CDIN1: variants seen among roughly 807,000 people sequenced by gnomAD.
CDIN1 encodes the protein CDAN1-interacting nuclease 1.
A neutral mutation model predicts 45.3 loss-of-function variants in CDIN1; 33 were observed. That is an observed-to-expected ratio of 0.73 (90% CI 0.55 to 0.97). CDIN1 has a LOEUF of 0.97. Among genes scored for constraint, CDIN1 ranks in the 50% least tolerant of loss-of-function variants. The pLI, the probability that CDIN1 is intolerant of heterozygous loss-of-function variation, is 0.00. For missense variants in CDIN1, 303 were observed against 339.4 expected (o/e 0.89, Z 0.84); for synonymous variants, 118 against 124.4 (o/e 0.95, Z 0.34).
At chr15:36,589,425 T>C (rs1428359106) in intron 1 of CDIN1, among the ~76,000 whole-genome samples, 1 of 152,008 alleles carries the variant, frequency 6.6e-6, no homozygotes, top group African/African-American at 2.4e-5. Flanking sequence ...TCAAGTTGCT[T>C]AAACAGTGAG....
At chr15:36,791,463 C>T (rs750893657) in intron 10 of CDIN1, among the ~76,000 whole-genome samples, 17 of 152,090 alleles carry the variant, frequency 1.1e-4, no homozygotes, top group Non-Finnish European at 2.1e-4. Flanking sequence ...GTCTTTTTAC[C>T]ATTTTGTTTC....
chr15:36,659,753 T>G (rs1595435310), intron 5 of CDIN1, among the ~76,000 whole-genome samples: 2 of 151,930 alleles, frequency 1.3e-5, no homozygotes, highest in Middle Eastern at 6.8e-3. Context: ...CAGTCAAAAA[T>G]GCTGTATTAA....
chr15:36,660,277 A>G (rs1315242248), intron 5 of CDIN1, among the ~76,000 whole-genome samples: 1 of 152,100 alleles, frequency 6.6e-6, no homozygotes, highest in African/African-American at 2.4e-5. Context: ...TATGGAGATC[A>G]ATAGAATTCT....
At position 36,621,872 on chromosome 15, in the gene CDIN1, G is replaced by GTTTTTTTTTTT. The variant is rs553981750; in HGVS notation, c.102-22403_102-22393dup. On this transcript the variant is annotated intron_variant, in intron 1 of 10. Transcript: ENST00000566621. Reference sequence around the variant, plus strand: ...GTTGTTTGACCTGACAACAAGTTCAGTTTTTTTTTTTTTCCTCCAAGGGCT... The same window carrying GTTTTTTTTTTT: ...GTTGTTTGACCTGACAACAAGTTCAGTTTTTTTTTTTTTTTTTTTTTTTTCCTCCAAGGGCT... 1.6e-4 allele frequency among the ~76,000 whole-genome samples: 23 copies of GTTTTTTTTTTT among 142,382 alleles called. 1 individual carries two copies. Among genetic ancestry groups the GTTTTTTTTTTT allele is most frequent in the Admixed American group, 4.2e-4 (6 of 14,320 alleles). 93.4% of individuals were successfully genotyped at this position (142,382 alleles called of 152,430 possible).
intron 10 of CDIN1, among the ~76,000 whole-genome samples, chr15:36,776,866 G>A (rs1042410424): frequency 2.0e-5 from 3 of 151,966 alleles, no homozygotes; most frequent in South Asian, 2.1e-4. Context: ...CATTTTGAAC[G>A]TTTTCTAAAA....
At chr15:36,591,545 A>G (rs192561579) in intron 1 of CDIN1, among the ~76,000 whole-genome samples, 257 of 152,328 alleles carry the variant, frequency 1.7e-3, no homozygotes, top group Admixed American at 5.7e-3. Context: ...TCTGAGGACA[A>G]CTAAAATATA....
intron 10 of CDIN1, among the ~76,000 whole-genome samples, chr15:36,807,441 T>C (rs1359152446): frequency 6.6e-6 from 1 of 152,096 alleles, no homozygotes; most frequent in Non-Finnish European, 1.5e-5. Flanking sequence ...AGGAAAAACG[T>C]GAAACTGATG....
chr15:36,594,784 T>G, intron 1 of CDIN1: 1 of 391,358 alleles, frequency 2.6e-6, no homozygotes, highest in Non-Finnish European at 3.5e-6. Context: ...GGTGCCTATG[T>G]GGCTATTGGC....
chr15:36,659,966 CTTTT>C (rs778988517), intron 5 of CDIN1, among the ~76,000 whole-genome samples: 18 of 105,130 alleles, frequency 1.7e-4, no homozygotes, highest in Middle Eastern at 7.5e-3. Context: ...CCTTCCTTTT[CTTTT>C]TTTTTTTTTT....
At chr15:36,640,532 A>G (rs1353331682) in intron 1 of CDIN1, 1 of 652,708 alleles carries the variant, frequency 1.5e-6, no homozygotes, top group Admixed American at 6.3e-5. Flanking sequence ...GAGTGTACAC[A>G]TTTAAGCTTC....
rs528865057 is a variant in CDIN1, at chr15:36,675,534, G to A, written c.347-16151G>A. ...CCAAGAGTTTGCAGCATGTCTTTTT[G>A]TAAACTCTATCTCTCACTTTGGCAC... On this transcript the variant is annotated intron_variant, in intron 5 of 10. Coordinates refer to ENST00000566621, the MANE Select transcript of CDIN1 (RefSeq NM_001321759.2). Among the ~76,000 whole-genome samples, 44 of 152,166 alleles carry A rather than the reference G, an allele frequency of 2.9e-4. No individual in the cohort carries two copies. The South Asian group carries it at 6.8e-3, about 24-fold the overall frequency.
intron 8 of CDIN1, chr15:36,707,692 C>T (rs1021878321): frequency 1.3e-5 from 2 of 152,114 alleles, no homozygotes; most frequent in African/African-American, 2.4e-5. Context: ...AAATATTAAT[C>T]TATCTTTTTC....
intron 1 of CDIN1, chr15:36,640,609 T>G (rs1353260590): frequency 1.0e-6 from 1 of 985,094 alleles, no homozygotes; most frequent in Non-Finnish European, 1.2e-6. Flanking sequence ...TTTCAGAGAT[T>G]GCATACTCAA....
intron 1 of CDIN1, chr15:36,626,758 T>A: frequency 2.5e-6 from 1 of 394,672 alleles, no homozygotes. Context: ...TATAGTCCCT[T>A]ACTTGGTGTG....
chr15:36,736,218 T>A (rs1466744055), intron 10 of CDIN1, among the ~76,000 whole-genome samples: 1 of 152,200 alleles, frequency 6.6e-6, no homozygotes, highest in African/African-American at 2.4e-5. Context: ...TTGCTTATTC[T>A]CTCCACTTGT....
intron 10 of CDIN1, among the ~76,000 whole-genome samples, chr15:36,710,459 G>A (rs1330481702): frequency 6.6e-6 from 1 of 152,160 alleles, no homozygotes; most frequent in Non-Finnish European, 1.5e-5. Flanking sequence ...TCAGCGTTAA[G>A]AAAGGAGTGG....
intron 1 of CDIN1, among the ~76,000 whole-genome samples, chr15:36,585,168 G>A (rs2140162544): frequency 6.6e-6 from 1 of 152,284 alleles, no homozygotes; most frequent in African/African-American, 2.4e-5. Context: ...TTTTAAGCTT[G>A]CAGAAAAGTT....
intron 10 of CDIN1, among the ~76,000 whole-genome samples, chr15:36,718,761 G>A (rs2043299445): frequency 6.9e-6 from 1 of 145,150 alleles, no homozygotes. Context: ...TTTCTACATA[G>A]ACAACTATGT....
chr15:36,749,998 C>T (rs1216379897), intron 10 of CDIN1, among the ~76,000 whole-genome samples: 3 of 152,104 alleles, frequency 2.0e-5, no homozygotes, highest in African/African-American at 4.8e-5. Flanking sequence ...AATGAAAATG[C>T]CTCTGTTTGA....
Sources: gnomAD v4.1 joint callset for allele counts (sites outside exome capture counted in the v4.1 genomes callset) on GRCh38, gnomAD v4.1.1 for gene constraint, MANE v1.5 for transcripts, NCBI Gene and HGNC (gene_info 2026-07-23, HGNC 2026-07-21) for gene names.